The following ZNF407 variants were observed in gnomAD, a reference collection of about 807,000 sequenced individuals.
ZNF407 encodes the protein zinc finger protein 407.
ZNF407 carries 17 observed loss-of-function variants against 131.2 expected under a neutral mutation model. The ratio of observed to expected loss-of-function variants is 0.13; its 90% CI spans 0.09 to 0.19. The LOEUF (loss-of-function observed/expected upper bound fraction) is 0.19, where lower values mean the gene tolerates loss of function less well. Among genes scored for constraint, ZNF407 ranks in the 10% least tolerant of loss-of-function variants. ZNF407 has a pLI of 1.00. For synonymous variants in ZNF407, 1,156 were observed against 1,062.0 expected, an observed-to-expected ratio of 1.09 and a Z score of -1.72; for missense variants, 2,681 against 2,830.6, an observed-to-expected ratio of 0.95 and a Z score of 1.20.
chr18:74,987,753 A>G (rs75362061), intron 8 of ZNF407, among the ~76,000 whole-genome samples: 1,628 of 152,328 alleles, frequency 0.011, 32 homozygotes, highest in African/African-American at 0.037. Flanking sequence ...TTTTTAAAAT[A>G]TATTCAAGAC....
chr18:74,764,268 T>G (rs1349996038), intron 3 of ZNF407, among the ~76,000 whole-genome samples: 1 of 152,212 alleles, frequency 6.6e-6, no homozygotes. Context: ...TTTTCATTTT[T>G]AAAAACCTAT....
Position 75,038,576 on chromosome 18 carries a change from C to T in ZNF407, c.5429-24574C>T, listed in dbSNP as rs573393867. Among the ~76,000 whole-genome samples the T allele has an allele frequency of 5.3e-5, 8 of 151,990 alleles. No homozygotes were observed. The East Asian group carries it at 9.6e-4, about 18-fold the overall frequency. ...AGCAATTATTAAGTGTTAGGGACAA[C>T]GAAAAGGTGATACTGTGTAAAGGAA... On this transcript the variant is annotated intron_variant, in intron 8 of 8. Coordinates refer to ENST00000299687, the MANE Select transcript of ZNF407 (RefSeq NM_017757.3).
chr18:75,032,492 T>G (rs1973252923), intron 8 of ZNF407, among the ~76,000 whole-genome samples: 1 of 152,142 alleles, frequency 6.6e-6, no homozygotes, highest in Non-Finnish European at 1.5e-5. Flanking sequence ...ATTAACCTTA[T>G]AGCCCACCAA....
intron 4 of ZNF407, among the ~76,000 whole-genome samples, chr18:74,818,047 A>G (rs1344389197): frequency 1.3e-5 from 2 of 152,242 alleles, no homozygotes; most frequent in Non-Finnish European, 2.9e-5. Context: ...GTAAATCTTC[A>G]AGGTGATAGT....
intron 8 of ZNF407, among the ~76,000 whole-genome samples, chr18:75,056,354 G>A (rs1973561963): frequency 6.6e-6 from 1 of 152,216 alleles, no homozygotes; most frequent in Admixed American, 6.5e-5. Flanking sequence ...GAAACATGAG[G>A]TACTGACCAA....
At chr18:74,868,037 A>G (rs1971037514) in intron 4 of ZNF407, among the ~76,000 whole-genome samples, 1 of 152,334 alleles carries the variant, frequency 6.6e-6, no homozygotes, top group East Asian at 1.9e-4. Flanking sequence ...GATAAAATCC[A>G]TCGTAGTTAT....
chr18:74,626,134 A>G (rs1983775304), intron 1 of ZNF407, among the ~76,000 whole-genome samples: 1 of 152,252 alleles, frequency 6.6e-6, no homozygotes, highest in Non-Finnish European at 1.5e-5. Context: ...AAAAGTATTC[A>G]GTGCCATCAC....
At chr18:74,854,967 C>A (rs1350708748) in intron 4 of ZNF407, among the ~76,000 whole-genome samples, 2 of 152,112 alleles carry the variant, frequency 1.3e-5, no homozygotes, top group African/African-American at 2.4e-5. Flanking sequence ...TCTTGTTAGG[C>A]ATTTTTATTC....
At chr18:75,052,640 A>C (rs958448920) in intron 8 of ZNF407, among the ~76,000 whole-genome samples, 1 of 152,222 alleles carries the variant, frequency 6.6e-6, no homozygotes, top group Non-Finnish European at 1.5e-5. Context: ...TTGTGTGCCA[A>C]GTGGACTCAG....
rs147296599 is a variant in ZNF407, at chr18:74,778,112, C to T, written c.4803-3316C>T. On this transcript the variant is annotated intron_variant, in intron 3 of 8. Transcript: ENST00000299687. ...CAGATGCCTGAGATGGCTTTTCTTC[C>T]CACTCAGAATAAAAGCTGAGGCTGT... is the stretch of plus-strand genomic sequence containing the variant. 8.6e-4 allele frequency among the ~76,000 whole-genome samples: 131 copies of T among 152,250 alleles called. 1 individual carries two copies. Among genetic ancestry groups the T allele is most frequent in the Non-Finnish European group, 1.3e-3 (87 of 68,010 alleles).
intron 3 of ZNF407, among the ~76,000 whole-genome samples, chr18:74,759,113 C>A (rs1195934635): frequency 6.6e-6 from 1 of 152,100 alleles, no homozygotes; most frequent in African/African-American, 2.4e-5. Context: ...TTTGCTGATA[C>A]AGAAATTTAG....
At chr18:74,794,877 A>G (rs1969890751) in intron 4 of ZNF407, among the ~76,000 whole-genome samples, 1 of 152,252 alleles carries the variant, frequency 6.6e-6, no homozygotes, top group Non-Finnish European at 1.5e-5. Flanking sequence ...TGTACAACTT[A>G]ATGTATTTAT....
chr18:75,026,553 A>T (rs1599300362), intron 8 of ZNF407, among the ~76,000 whole-genome samples: 1 of 152,226 alleles, frequency 6.6e-6, no homozygotes, highest in Non-Finnish European at 1.5e-5. Flanking sequence ...AATTCTGTAA[A>T]TTTGGAACTC....
In ZNF407 at chr18:74,795,584, G is replaced by C. The variant is rs192001280; in HGVS notation, c.4877+14082G>C. ...AGTTTTACCATGGTTTCCCTTGTAT[G>C]TTGATAATTTTTGACATCACACTTG... On this transcript the variant is annotated intron_variant, in intron 4 of 8. Coordinates refer to ENST00000299687, the MANE Select transcript of ZNF407 (RefSeq NM_017757.3). Among the ~76,000 whole-genome samples, 413 of 152,242 alleles carry C rather than the reference G, an allele frequency of 2.7e-3. 4 individuals carry two copies. Among genetic ancestry groups the C allele is most frequent in the African/African-American group, 9.4e-3 (391 of 41,562 alleles).
intron 8 of ZNF407, among the ~76,000 whole-genome samples, chr18:74,922,064 G>T (rs553830025): frequency 6.6e-6 from 1 of 152,242 alleles, no homozygotes; most frequent in East Asian, 1.9e-4. Flanking sequence ...GGCTGTATTT[G>T]GCAAACAAAC....
intron 3 of ZNF407, among the ~76,000 whole-genome samples, chr18:74,715,778 T>TTC (rs1405555728): frequency 1.3e-5 from 2 of 152,244 alleles, no homozygotes; most frequent in African/African-American, 4.8e-5. Flanking sequence ...GATTATCATT[T>TTC]TGTATATGTT....
chr18:74,805,865 G>A (rs904176249), intron 4 of ZNF407, among the ~76,000 whole-genome samples: 30 of 152,282 alleles, frequency 2.0e-4, no homozygotes, highest in Non-Finnish European at 3.4e-4. Context: ...AAGATGTTAC[G>A]TTGTGTGAGA....
At chr18:74,934,667 A>G (rs28424181) in intron 8 of ZNF407, among the ~76,000 whole-genome samples, 23,476 of 152,202 alleles carry the variant, frequency 0.15, 2,052 homozygotes, top group Admixed American at 0.27. Context: ...TTAGCCGGAC[A>G]TGGTGGCGCG....
chr18:74,705,476 T>C (rs1967603283), intron 3 of ZNF407, among the ~76,000 whole-genome samples: 1 of 152,240 alleles, frequency 6.6e-6, no homozygotes, highest in African/African-American at 2.4e-5. Context: ...AAACAACTTA[T>C]TCAGATAGAT....
Sources: allele counts gnomAD v4.1 joint callset (sites outside exome capture counted in the v4.1 genomes callset), GRCh38; gene constraint gnomAD v4.1.1; transcripts MANE v1.5; gene names NCBI Gene and HGNC (gene_info 2026-07-23, HGNC 2026-07-21).